Variants in CAPN13 observed in about 807,000 individuals in gnomAD.
CAPN13 encodes calpain-13.
In CAPN13, 90 loss-of-function variants were observed where a neutral mutation model predicts 98.4. The observed-to-expected ratio is 0.92, with a 90% CI of 0.77 to 1.09. The LOEUF is 1.09. CAPN13 is among the 50% of genes least tolerant of loss of function. The probability of loss-of-function intolerance (pLI) is 0.00; values close to 1 mark genes in which losing one functional copy is unlikely to be tolerated. For missense variants in CAPN13, 887 were observed against 841.3 expected (o/e 1.05, Z -0.67); for synonymous variants, 330 against 305.5 (o/e 1.08, Z -0.84).
chr2:30,743,779 CA>C lies in CAPN13; in HGVS notation c.1249-201del, dbSNP rs747403208. On this transcript the variant is annotated intron_variant, in intron 12 of 22. Transcript: ENST00000295055. ...TGTCATTTCATCTAGACCCTGGACA[CA>C]ATGGATGCAAGGAAATACCACACAC... The C allele has an allele frequency of 8.7e-6, 6 of 685,892 alleles. 1 individual carries two copies. The highest frequency in any genetic ancestry group is 7.5e-5 in the South Asian group (5 of 66,448). The allele number at this position is 685,892 out of a possible 1,614,324, so 42.5% of individuals were successfully genotyped here.
chr2:30,753,152 A>G lies in CAPN13; in HGVS notation c.988T>C (p.Cys330Arg), dbSNP rs1041677723. 3.7e-6 allele frequency: 6 copies of G among 1,614,058 alleles called. No homozygotes were observed. Among genetic ancestry groups the G allele is most frequent in the Non-Finnish European group, 5.1e-6 (6 of 1,179,890 alleles). ...TCCAGGGTAATTGGAATTTCGCTAC[A>G]TATAAACATGGCGATGAATTTCTGT... Reference protein sequence around the residue: ...FQQKFIAMFICSEIPITLDHG... With the variant: ...FQQKFIAMFIRSEIPITLDHG... The change falls in exon 10 of 23, where the codon TGT becomes CGT. Residue 330 changes from cysteine to arginine, a missense_variant. Transcript: ENST00000295055.
intron 1 of CAPN13, among the ~76,000 whole-genome samples, chr2:30,792,215 G>A (rs1364648349): frequency 6.6e-6 from 1 of 152,074 alleles, no homozygotes; most frequent in Non-Finnish European, 1.5e-5. Context: ...ACGGATAAGA[G>A]CAGAAATTAA....
chr2:30,759,920 G>A (rs540858466), intron 7 of CAPN13, among the ~76,000 whole-genome samples: 4 of 152,264 alleles, frequency 2.6e-5, no homozygotes, highest in East Asian at 1.9e-4. Context: ...AGCCTGGCTC[G>A]GATAAGGCTC....
At chr2:30,788,147 A>T (rs1030736132) in intron 1 of CAPN13, among the ~76,000 whole-genome samples, 1 of 152,252 alleles carries the variant, frequency 6.6e-6, no homozygotes, top group Non-Finnish European at 1.5e-5. Flanking sequence ...ATGGGTTTTG[A>T]AGTTTGCTTT....
intron 2 of CAPN13, among the ~76,000 whole-genome samples, chr2:30,786,102 C>T (rs1011243974): frequency 3.9e-5 from 6 of 152,158 alleles, no homozygotes; most frequent in African/African-American, 9.7e-5. Context: ...ATTAGATATC[C>T]ACAGACCAGA....
In CAPN13 at chr2:30,734,113, C is replaced by G. The variant is rs183666417; in HGVS notation, c.1798+336G>C. The stretch of plus-strand genomic sequence containing the variant: ...CTGTGGGTATTTAACCCTGATGGCC[C>G]AGATACTGAGCTGGAAGCGCGTCTC... On this transcript the variant is annotated intron_variant, in intron 19 of 22. Coordinates refer to ENST00000295055, the MANE Select transcript of CAPN13 (RefSeq NM_144575.3). Among the ~76,000 whole-genome samples, 9 of 152,296 alleles carry G rather than the reference C, an allele frequency of 5.9e-5. No individual in the cohort carries two copies. The East Asian group carries it at 1.5e-3, about 26-fold the overall frequency.
chr2:30,758,842 T>TCCCTCCCTCCC (rs1672629308), intron 7 of CAPN13, among the ~76,000 whole-genome samples: 1 of 110,908 alleles, frequency 9.0e-6, no homozygotes, highest in Admixed American at 1.1e-4. Context: ...CCTTCCTTCT[T>TCCCTCCCTCCC]TCCCTTTCTC....
At chr2:30,792,703 A>G (rs544770131) in intron 1 of CAPN13, among the ~76,000 whole-genome samples, 8 of 152,092 alleles carry the variant, frequency 5.3e-5, no homozygotes, top group Non-Finnish European at 1.0e-4. Context: ...GGCTGAACTT[A>G]TTTTTATCAG....
rs1672265185 is a variant in CAPN13, at chr2:30,753,160, A to G, written c.980T>C (p.Met327Thr). Reference sequence around the variant, plus strand: ...AATTGGAATTTCGCTACATATAAACATGGCGATGAATTTCTGTTGGAAATC... The same window carrying G: ...AATTGGAATTTCGCTACATATAAACGTGGCGATGAATTTCTGTTGGAAATC... ...CQDFQQKFIA[M>T]FICSEIPITL... The change falls in exon 10 of 23, where the codon ATG (methionine) becomes ACG (threonine). Residue 327 changes from methionine (M) to threonine (T), a missense_variant. By Grantham distance (81) the Met-to-Thr change is moderately conservative. Transcript: ENST00000295055. The G allele has an allele frequency of 3.7e-6, 6 of 1,614,016 alleles. No individual in the cohort carries two copies. Among genetic ancestry groups the G allele is most frequent in the Non-Finnish European group, 4.2e-6 (5 of 1,179,870 alleles).
rs1672267787 is a variant in CAPN13 at position 30,753,201 on chromosome 2, G to C, written c.942-3C>G. On this transcript the variant is annotated splice_region_variant and splice_polypyrimidine_tract_variant and intron_variant, in intron 9 of 22. Coordinates refer to ENST00000295055, the MANE Select transcript of CAPN13 (RefSeq NM_144575.3). ...GTTGGAAATCTTGACACGACATCCT[G>C]TTAAAAACAGATATACATCACTCAG... The C allele has an allele frequency of 1.2e-6, 2 of 1,613,818 alleles. No individual in the cohort carries two copies. The highest frequency in any genetic ancestry group is 1.7e-6 in the Non-Finnish European group (2 of 1,179,858).
At position 30,738,435 on chromosome 2, in the gene CAPN13, TG is replaced by T; in HGVS notation, c.1558del (p.Gln520SerfsTer11). 1 of 1,606,600 alleles carries T rather than the reference TG, an allele frequency of 6.2e-7. No individual in the cohort carries two copies. Among genetic ancestry groups the T allele is most frequent in the East Asian group, 2.2e-5 (1 of 44,710 alleles). On this transcript the variant is annotated frameshift_variant, in exon 16 of 23. Transcript: ENST00000295055. LOFTEE classifies it high-confidence loss of function. ...CTCCTGGTTGAGAAGGCCCTGAAGC[TG>T]GGTGGCATCAATGTCCAGCCTCTGA... is the stretch of plus-strand genomic sequence containing the variant. ...AQQRLDIDATQLQGLLNQELL... is the reference protein window; with the variant it reads ...AQQRLDIDATXLQGLLNQELL...
chr2:30,769,411 G>T, intron 5 of CAPN13, among the ~76,000 whole-genome samples: 1 of 152,200 alleles, frequency 6.6e-6, no homozygotes. Flanking sequence ...AGGAGGAGAC[G>T]GATGTGTCAT....
chr2:30,806,561 CAGTAGTTCA>C (rs1675642504), intron 1 of CAPN13, among the ~76,000 whole-genome samples: 1 of 152,210 alleles, frequency 6.6e-6, no homozygotes, highest in Non-Finnish European at 1.5e-5. Context: ...ATGGGACAGT[CAGTAGTTCA>C]TGACCCAACT....
intron 6 of CAPN13, 118 bp downstream of exon 6, chr2:30,764,014 T>A: frequency 1.0e-6 from 1 of 993,964 alleles, no homozygotes; most frequent in Non-Finnish European, 1.5e-6. Flanking sequence ...AAGCACGCTA[T>A]CAGTGTTCGT....
chr2:30,734,640 T>C (rs1671268009), intron 18 of CAPN13, 116 bp from the exon 19 acceptor site: 2 of 786,484 alleles, frequency 2.5e-6, no homozygotes, highest in Admixed American at 4.1e-5. Flanking sequence ...GTCACAGCAC[T>C]GAGGACTGGG....
intron 5 of CAPN13, among the ~76,000 whole-genome samples, chr2:30,767,084 A>C (rs994260976): frequency 6.6e-6 from 1 of 152,324 alleles, no homozygotes; most frequent in South Asian, 2.1e-4. Flanking sequence ...GATGGTGGGA[A>C]GGCATGGGAA....
chr2:30,768,233 G>C (rs1268225162), intron 5 of CAPN13, among the ~76,000 whole-genome samples: 1 of 152,190 alleles, frequency 6.6e-6, no homozygotes, highest in Non-Finnish European at 1.5e-5. Flanking sequence ...ACCCAGGCTT[G>C]ACCAATAAGA....
intron 1 of CAPN13, among the ~76,000 whole-genome samples, chr2:30,801,212 T>C (rs1675250528): frequency 6.6e-6 from 1 of 152,176 alleles, no homozygotes; most frequent in African/African-American, 2.4e-5. Flanking sequence ...TTCTTATTTT[T>C]AAGGCTCTTT....
At chr2:30,799,646 G>T (rs549728214) in intron 1 of CAPN13, among the ~76,000 whole-genome samples, 6 of 152,312 alleles carry the variant, frequency 3.9e-5, no homozygotes, top group African/African-American at 1.4e-4. Context: ...CCTACTTTGT[G>T]TCTAATCAGG....
Sources: gnomAD v4.1 joint callset for allele counts (sites outside exome capture counted in the v4.1 genomes callset) on GRCh38, gnomAD v4.1.1 for gene constraint, MANE v1.5 for transcripts, NCBI Gene and HGNC (gene_info 2026-07-23, HGNC 2026-07-21) for gene names.